The following LEPR variants were observed in gnomAD, a reference collection of about 807,000 sequenced individuals.
LEPR encodes leptin receptor.
Under a neutral mutation model 114.7 loss-of-function variants are expected in LEPR, and 56 were observed. That is an observed-to-expected ratio of 0.49 (90% confidence interval 0.39 to 0.61). The LOEUF is 0.61. LEPR is among the 20% of genes least tolerant of loss of function. The pLI is 0.00. For missense variants in LEPR, 1,202 were observed against 1,352.9 expected (o/e 0.89, Z 1.75); for synonymous variants, 443 against 461.4 (o/e 0.96, Z 0.51).
chr1:65,512,484 G>A (rs1424660504), intron 2 of LEPR, among the ~76,000 whole-genome samples: 1 of 152,186 alleles, frequency 6.6e-6, no homozygotes, highest in Non-Finnish European at 1.5e-5. Flanking sequence ...GCCTAGCATA[G>A]TCATGTTGCT....
intron 2 of LEPR, among the ~76,000 whole-genome samples, chr1:65,525,422 G>T (rs1272382447): frequency 6.6e-6 from 1 of 152,144 alleles, no homozygotes; most frequent in African/African-American, 2.4e-5. Context: ...GCGGGCAGGG[G>T]TCCTCCCTCC....
At chr1:65,565,496 A>G (rs549483435) in intron 2 of LEPR, 50 bp from the exon 3 acceptor site, 2 of 1,566,368 alleles carry the variant, frequency 1.3e-6, no homozygotes, top group South Asian at 1.1e-5. Flanking sequence ...ACTTATATAT[A>G]TGTGTTTTTG....
intron 19 of LEPR, among the ~76,000 whole-genome samples, chr1:65,629,173 A>G (rs2101032422): frequency 6.6e-6 from 1 of 152,020 alleles, no homozygotes; most frequent in Non-Finnish European, 1.5e-5. Flanking sequence ...AGAAAAATCT[A>G]CTTAAACTTC....
At chr1:65,429,334 A>G (rs926565650) in intron 2 of LEPR, among the ~76,000 whole-genome samples, 1 of 152,210 alleles carries the variant, frequency 6.6e-6, no homozygotes, top group East Asian at 1.9e-4. Flanking sequence ...AGGGACAGAA[A>G]AAAGGCTGGT....
At chr1:65,488,128 TC>T (rs2100477213) in intron 2 of LEPR, among the ~76,000 whole-genome samples, 4 of 143,056 alleles carry the variant, frequency 2.8e-5, no homozygotes, top group African/African-American at 1.1e-4. Context: ...TTTCTTTCTT[TC>T]CCTCCCTCCC....
intron 2 of LEPR, among the ~76,000 whole-genome samples, chr1:65,450,739 G>C (rs1283565549): frequency 6.1e-5 from 9 of 148,672 alleles, no homozygotes; most frequent in Non-Finnish European, 1.2e-4. Context: ...ATAAACATAC[G>C]TGTGCATGTG....
intron 11 of LEPR, 92 bp from the exon 12 acceptor site, chr1:65,608,661 T>C (rs1656978943): frequency 7.4e-7 from 1 of 1,357,244 alleles, no homozygotes; most frequent in East Asian, 2.5e-5. Flanking sequence ...TATTGCTTGA[T>C]GAATACAGAT....
chr1:65,473,335 G>A (rs540928990), intron 2 of LEPR, among the ~76,000 whole-genome samples: 6 of 152,292 alleles, frequency 3.9e-5, no homozygotes, highest in African/African-American at 1.4e-4. Flanking sequence ...ATTTCTATAT[G>A]TGAAGGCACC....
intron 8 of LEPR, among the ~76,000 whole-genome samples, chr1:65,600,149 G>A (rs867718866): frequency 6.6e-6 from 1 of 152,032 alleles, no homozygotes; most frequent in Non-Finnish European, 1.5e-5. Flanking sequence ...ATTATTCTGA[G>A]ACTTTTGAGG....
chr1:65,570,393 G>A, intron 3 of LEPR, 80 bp from the exon 4 acceptor site: 1 of 1,383,844 alleles, frequency 7.2e-7, no homozygotes, highest in Non-Finnish European at 1.0e-6. Flanking sequence ...GCACTACATG[G>A]TTTAATCTCA....
At chr1:65,434,203 C>G in intron 2 of LEPR, 2 of 982,138 alleles carry the variant, frequency 2.0e-6, no homozygotes, top group Non-Finnish European at 2.4e-6. Context: ...TTCTGCAGTG[C>G]CTAAATATCA....
intron 7 of LEPR, among the ~76,000 whole-genome samples, chr1:65,597,981 A>T (rs2100919692): frequency 6.6e-6 from 1 of 152,042 alleles, no homozygotes; most frequent in Admixed American, 6.6e-5. Context: ...TTAGTCTGTG[A>T]CATGCTCCCC....
intron 2 of LEPR, chr1:65,433,637 T>G (rs7661): frequency 0.058 from 57,413 of 984,856 alleles, 4,094 homozygotes; most frequent in African/African-American, 0.33. Context: ...TTGGCCTTGT[T>G]CATGATTTTA....
intron 2 of LEPR, among the ~76,000 whole-genome samples, chr1:65,523,064 G>T (rs1649715869): frequency 6.6e-6 from 1 of 152,104 alleles, no homozygotes; most frequent in African/African-American, 2.4e-5. Flanking sequence ...GTGTCTCCTA[G>T]CCTAGAATGT....
At chr1:65,452,273 C>T (rs1246825023) in intron 2 of LEPR, among the ~76,000 whole-genome samples, 1 of 151,688 alleles carries the variant, frequency 6.6e-6, no homozygotes, top group Non-Finnish European at 1.5e-5. Flanking sequence ...CCTTTATTTC[C>T]TTCTCCTGCC....
At chr1:65,427,872 C>T (rs1314347038) in intron 2 of LEPR, 5 of 253,300 alleles carry the variant, frequency 2.0e-5, no homozygotes, top group Non-Finnish European at 4.1e-5. Context: ...AACTCCTGGC[C>T]TCAAGTCATC....
rs1010678238 is a variant in LEPR at position 65,547,201 on chromosome 1, C to T, written c.-20-18345C>T. ...AAGCTTTTTGATGTGCTGCTGGATT[C>T]GGTTTGCCAGTATTTTATTGAGGAT... is the stretch of plus-strand genomic sequence containing the variant. On this transcript the variant is annotated intron_variant, in intron 2 of 19. Transcript: ENST00000349533. Among the ~76,000 whole-genome samples, 182 of 152,030 alleles carry T rather than the reference C, an allele frequency of 1.2e-3. 1 individual carries two copies. Among genetic ancestry groups the T allele is most frequent in the African/African-American group, 1.7e-3 (70 of 41,438 alleles).
At chr1:65,493,236 C>T (rs772322024) in intron 2 of LEPR, among the ~76,000 whole-genome samples, 23 of 152,010 alleles carry the variant, frequency 1.5e-4, no homozygotes, top group Admixed American at 5.3e-4. Context: ...TCTTCCCGGA[C>T]GCTGCCAGTT....
intron 16 of LEPR, among the ~76,000 whole-genome samples, chr1:65,618,872 C>A (rs536803933): frequency 6.6e-6 from 1 of 152,224 alleles, no homozygotes; most frequent in South Asian, 2.1e-4. Context: ...ATATCTTCTG[C>A]CAAATTGTTT....
Sources: gnomAD v4.1 joint callset for allele counts (sites outside exome capture counted in the v4.1 genomes callset) on GRCh38, gnomAD v4.1.1 for gene constraint, MANE v1.5 for transcripts, NCBI Gene and HGNC (gene_info 2026-07-23, HGNC 2026-07-21) for gene names.